RYR2: variants seen among roughly 807,000 people sequenced by gnomAD.
The protein encoded by RYR2 is ryanodine receptor 2.
Under a neutral mutation model 601.1 loss-of-function variants are expected in RYR2, and 227 were observed. The ratio of observed to expected loss-of-function variants is 0.38; its 90% CI spans 0.34 to 0.42. RYR2 has a LOEUF of 0.42. Ranked by LOEUF, RYR2 falls within the 10% of genes least tolerant of loss-of-function variation. The pLI is 1.00. For synonymous variants in RYR2, 2,223 were observed against 2,175.1 expected, an observed-to-expected ratio of 1.02 and a Z score of -0.61; for missense variants, 4,646 against 6,156.5, an observed-to-expected ratio of 0.75 and a Z score of 8.21.
intron 24 of RYR2, among the ~76,000 whole-genome samples, chr1:237,522,229 A>G (rs1223166352): frequency 1.3e-5 from 2 of 152,146 alleles, no homozygotes; most frequent in African/African-American, 2.4e-5. Flanking sequence ...TCCCTGGGCC[A>G]TAGCAGAAAA....
intron 1 of RYR2, among the ~76,000 whole-genome samples, chr1:237,186,967 C>T (rs1478709550): frequency 4.6e-5 from 7 of 152,166 alleles, no homozygotes; most frequent in Non-Finnish European, 5.9e-5. Context: ...GGAGGAGACA[C>T]ATGCCTGAGA....
At chr1:237,491,575 C>T (rs950094526) in intron 17 of RYR2, among the ~76,000 whole-genome samples, 13 of 152,330 alleles carry the variant, frequency 8.5e-5, no homozygotes, top group African/African-American at 1.2e-4. Flanking sequence ...CTAAACACCA[C>T]GTCTCAGTTG....
chr1:237,044,152 A>C (rs1055624634), intron 1 of RYR2, among the ~76,000 whole-genome samples: 2 of 150,580 alleles, frequency 1.3e-5, no homozygotes, highest in African/African-American at 4.9e-5. Flanking sequence ...CTAGTAATAC[A>C]GTTGTCTTTT....
Position 237,488,482 on chromosome 1 carries a change from C to G in RYR2, c.1709-3324C>G, listed in dbSNP as rs182765272. 1.5e-4 allele frequency among the ~76,000 whole-genome samples: 23 copies of G among 152,308 alleles called. No individual in the cohort carries two copies. In the South Asian group the frequency reaches 3.3e-3, roughly 22 times the overall value. On this transcript the variant is annotated intron_variant, in intron 17 of 104. Transcript: ENST00000366574. The stretch of plus-strand genomic sequence containing the variant: ...TTCTTAAGGGCTCTACCTTCATGAC[C>G]TAATCACCTCCCCAAGGGGAACATC...
chr1:237,428,258 C>T (rs1166262592), intron 12 of RYR2, among the ~76,000 whole-genome samples: 2 of 152,070 alleles, frequency 1.3e-5, no homozygotes, highest in African/African-American at 4.8e-5. Context: ...TGGGTATATA[C>T]CCAAAGGAAT....
At chr1:237,073,459 A>G (rs1213814286) in intron 1 of RYR2, among the ~76,000 whole-genome samples, 2 of 152,178 alleles carry the variant, frequency 1.3e-5, no homozygotes, top group African/African-American at 2.4e-5. Flanking sequence ...GCCACTGGCC[A>G]TGTGTGGCTG....
intron 6 of RYR2, among the ~76,000 whole-genome samples, chr1:237,370,422 G>A (rs966262206): frequency 1.3e-5 from 2 of 151,524 alleles, no homozygotes; most frequent in Admixed American, 1.3e-4. Context: ...TAAGAATATC[G>A]AAAGAAAAAA....
At chr1:237,389,347 A>G (rs1702192390) in intron 10 of RYR2, among the ~76,000 whole-genome samples, 1 of 152,162 alleles carries the variant, frequency 6.6e-6, no homozygotes, top group African/African-American at 2.4e-5. Context: ...AGACAAGAGA[A>G]AGATCCTTAG....
At chr1:237,802,430 CT>C (rs1420548987) in intron 98 of RYR2, 1 of 152,214 alleles carries the variant, frequency 6.6e-6, no homozygotes, top group African/African-American at 2.4e-5. Context: ...AGATTTCACT[CT>C]TTAATTTTAG....
At chr1:237,378,967 A>G (rs1334714684) in intron 8 of RYR2, among the ~76,000 whole-genome samples, 2 of 152,186 alleles carry the variant, frequency 1.3e-5, no homozygotes, top group South Asian at 2.1e-4. Flanking sequence ...CCCTTAACCA[A>G]TGTAGGTAGA....
At chr1:237,503,810 C>T (rs372189092) in intron 22 of RYR2, among the ~76,000 whole-genome samples, 3 of 152,214 alleles carry the variant, frequency 2.0e-5, no homozygotes, top group East Asian at 3.9e-4. Context: ...TGGGTTCAAG[C>T]GATTCTCCTG....
chr1:237,042,700 G>A (rs1349703012), intron 1 of RYR2, 131 bp downstream of exon 1: 6 of 868,176 alleles, frequency 6.9e-6, no homozygotes, highest in African/African-American at 3.5e-5. Flanking sequence ...CTGAGGATGC[G>A]GGAGGAGCGG....
At chr1:237,423,343 TGTAA>T in intron 12 of RYR2, 95 bp downstream of exon 12, 1 of 1,333,736 alleles carries the variant, frequency 7.5e-7, no homozygotes, top group Non-Finnish European at 1.0e-6. Context: ...AAATAAATGA[TGTAA>T]GTATGTCTTA....
chr1:237,409,806 G>T (rs1254588633), intron 10 of RYR2, among the ~76,000 whole-genome samples: 1 of 152,122 alleles, frequency 6.6e-6, no homozygotes, highest in Non-Finnish European at 1.5e-5. Flanking sequence ...ACAGAAACAT[G>T]TAATTATAAT....
At chr1:237,315,465 T>C (rs7516798) in intron 2 of RYR2, among the ~76,000 whole-genome samples, 13,646 of 152,168 alleles carry the variant, frequency 0.09, 1,201 homozygotes, top group African/African-American at 0.23. Flanking sequence ...AGTTTAAAAG[T>C]ATTTCTTAGG....
intron 1 of RYR2, among the ~76,000 whole-genome samples, chr1:237,129,299 G>A (rs950751578): frequency 6.6e-6 from 1 of 152,156 alleles, no homozygotes; most frequent in Admixed American, 6.5e-5. Context: ...TAGGCATTTT[G>A]GACACATATT....
intron 2 of RYR2, among the ~76,000 whole-genome samples, chr1:237,302,934 C>G (rs536665369): frequency 1.8e-4 from 27 of 152,240 alleles, no homozygotes; most frequent in Admixed American, 7.2e-4. Context: ...AGTTTACAAT[C>G]TTCTGAGCTG....
chr1:237,213,915 C>CTTTTTTTTTTTTTTTT (rs71180008), intron 1 of RYR2, among the ~76,000 whole-genome samples: 653 of 65,352 alleles, frequency 1.0e-2, no homozygotes, highest in Non-Finnish European at 0.013. Flanking sequence ...TTTTCTTTTT[C>CTTTTTTTTTTTTTTTT]TTTTTTTTTT....
intron 25 of RYR2, among the ~76,000 whole-genome samples, chr1:237,537,433 C>T (rs1015560225): frequency 4.6e-5 from 7 of 152,120 alleles, no homozygotes; most frequent in Non-Finnish European, 8.8e-5. Flanking sequence ...AAGCAATTCT[C>T]CTGCCTCAGC....
Sources: allele counts gnomAD v4.1 joint callset (sites outside exome capture counted in the v4.1 genomes callset), GRCh38; gene constraint gnomAD v4.1.1; transcripts MANE v1.5; gene names NCBI Gene and HGNC (gene_info 2026-07-23, HGNC 2026-07-21).